The following ZNF148 variants were observed in gnomAD, a reference collection of about 807,000 sequenced individuals.
The protein encoded by ZNF148 is Beta-Enolase Repressor Factor-1.
A neutral mutation model predicts 67.7 loss-of-function variants in ZNF148; 7 were observed. That is an observed-to-expected ratio of 0.10 (90% CI 0.06 to 0.19). The LOEUF (loss-of-function observed/expected upper bound fraction) is 0.19, where lower values mean the gene tolerates loss of function less well. Among genes scored for constraint, ZNF148 ranks in the 10% least tolerant of loss-of-function variants. ZNF148 has a pLI of 1.00. For missense variants in ZNF148, 583 were observed against 947.1 expected, an observed-to-expected ratio of 0.62 and a Z score of 5.05; for synonymous variants, 333 against 330.7, an observed-to-expected ratio of 1.01 and a Z score of -0.08.
intron 1 of ZNF148, among the ~76,000 whole-genome samples, chr3:125,356,681 T>C (rs1282172097): frequency 6.6e-6 from 1 of 152,138 alleles, no homozygotes; most frequent in African/African-American, 2.4e-5. Flanking sequence ...CAAATCACAA[T>C]TATTATATAA....
intron 7 of ZNF148, among the ~76,000 whole-genome samples, chr3:125,269,125 T>C (rs909405332): frequency 1.4e-5 from 2 of 144,682 alleles, no homozygotes; most frequent in Non-Finnish European, 3.0e-5. Flanking sequence ...CCCAGTACTT[T>C]AGGAGACTAA....
intron 7 of ZNF148, among the ~76,000 whole-genome samples, chr3:125,256,589 T>C (rs1012282466): frequency 6.6e-6 from 1 of 152,078 alleles, no homozygotes; most frequent in Admixed American, 6.6e-5. Context: ...GGCAGAAGAA[T>C]CGCTTGAACC....
intron 4 of ZNF148, chr3:125,292,935 A>G (rs1027618479): frequency 6.6e-6 from 1 of 152,218 alleles, no homozygotes; most frequent in Non-Finnish European, 1.5e-5. Context: ...TATGCATTAT[A>G]TCCAGTTATA....
chr3:125,354,720 ATAAC>A (rs1349477297), intron 1 of ZNF148, among the ~76,000 whole-genome samples: 2 of 152,228 alleles, frequency 1.3e-5, no homozygotes, highest in Non-Finnish European at 2.9e-5. Flanking sequence ...CTAAGCTATC[ATAAC>A]TAACTTTAAT....
intron 7 of ZNF148, among the ~76,000 whole-genome samples, chr3:125,252,622 G>A (rs1936889708): frequency 6.6e-6 from 1 of 152,192 alleles, no homozygotes; most frequent in Middle Eastern, 3.4e-3. Flanking sequence ...ACAAAAATTA[G>A]CTGGGGGTGG....
At chr3:125,315,836 C>T (rs1445859134) in intron 3 of ZNF148, among the ~76,000 whole-genome samples, 1 of 152,092 alleles carries the variant, frequency 6.6e-6, no homozygotes, top group Non-Finnish European at 1.5e-5. Flanking sequence ...GTATCCATCC[C>T]CTCAATAATT....
chr3:125,362,476 CA>C (rs1273966276), intron 1 of ZNF148, among the ~76,000 whole-genome samples: 2 of 149,246 alleles, frequency 1.3e-5, no homozygotes, highest in Non-Finnish European at 3.0e-5. Flanking sequence ...TTGAAGACCA[CA>C]AAAAAAAACA....
chr3:125,235,918 G>C (rs192637556), intron 7 of ZNF148, among the ~76,000 whole-genome samples: 1 of 138,462 alleles, frequency 7.2e-6, no homozygotes, highest in Non-Finnish European at 1.5e-5. Flanking sequence ...CCTGGACAGA[G>C]GAAGGGGAAC....
intron 1 of ZNF148, among the ~76,000 whole-genome samples, chr3:125,351,706 T>TA (rs1942159445): frequency 6.6e-6 from 1 of 151,892 alleles, no homozygotes; most frequent in African/African-American, 2.4e-5. Context: ...AACCCAACAA[T>TA]AAAAAGACAA....
chr3:125,231,507 T>C lies in ZNF148; in HGVS notation c.*834A>G, dbSNP rs1935852731. The C allele has an allele frequency of 6.6e-6, 1 of 152,540 alleles. No individual in the cohort carries two copies. Among genetic ancestry groups the C allele is most frequent in the African/African-American group, 2.4e-5 (1 of 41,446 alleles). 9.4% of individuals were successfully genotyped at this position (152,540 alleles called of 1,614,324 possible). On this transcript the variant is annotated 3_prime_UTR_variant, in exon 9 of 9. Transcript: ENST00000360647. ...TACATTTTGTGTAAGCATTATGTTC[T>C]TGGGAATGTAATCTACAGAATTTCT... is the stretch of plus-strand genomic sequence containing the variant.
intron 7 of ZNF148, among the ~76,000 whole-genome samples, chr3:125,247,435 G>A (rs986119200): frequency 1.3e-4 from 19 of 151,990 alleles, no homozygotes; most frequent in African/African-American, 4.3e-4. Flanking sequence ...GCAAATGAGA[G>A]CAGGAAAACT....
intron 4 of ZNF148, among the ~76,000 whole-genome samples, chr3:125,299,833 G>A (rs534021082): frequency 1.3e-5 from 2 of 152,240 alleles, no homozygotes; most frequent in African/African-American, 4.8e-5. Context: ...AGAGCCATGT[G>A]GTATGAGAGT....
At chr3:125,355,696 G>A (rs1445743629) in intron 1 of ZNF148, among the ~76,000 whole-genome samples, 4 of 149,760 alleles carry the variant, frequency 2.7e-5, no homozygotes, top group Admixed American at 2.7e-4. Flanking sequence ...AGACCAGGCT[G>A]CTCAACACAG....
At position 125,230,533 on chromosome 3, in the gene ZNF148, TATC is replaced by T. The variant is rs1935813706; in HGVS notation, c.*1805_*1807del. The T allele has an allele frequency of 6.6e-6, 1 of 152,556 alleles. No homozygotes were observed. The highest frequency in any genetic ancestry group is 2.1e-4 in the South Asian group (1 of 4,836). 9.5% of individuals were successfully genotyped at this position (152,556 alleles called of 1,614,324 possible). The stretch of plus-strand genomic sequence containing the variant: ...CACATTAAATATAATTTATATTCCT[TATC>T]ATAAAAACACCAATATATTCAAAAT... On this transcript the variant is annotated 3_prime_UTR_variant, in exon 9 of 9. Coordinates refer to ENST00000360647, the MANE Select transcript of ZNF148 (RefSeq NM_021964.3).
At chr3:125,355,047 A>G (rs1373609556) in intron 1 of ZNF148, among the ~76,000 whole-genome samples, 5 of 152,218 alleles carry the variant, frequency 3.3e-5, no homozygotes, top group African/African-American at 9.6e-5. Context: ...ACCTTGGGTA[A>G]GTCACCATCT....
chr3:125,269,354 CTAAG>C (rs1455972389), intron 7 of ZNF148, among the ~76,000 whole-genome samples: 1 of 151,286 alleles, frequency 6.6e-6, no homozygotes, highest in Non-Finnish European at 1.5e-5. Context: ...GCACACCAGC[CTAAG>C]TGACATAGCA....
chr3:125,238,328 C>CA (rs1358705212), intron 7 of ZNF148, among the ~76,000 whole-genome samples: 1 of 151,978 alleles, frequency 6.6e-6, no homozygotes, highest in Non-Finnish European at 1.5e-5. Context: ...AGGACACTAT[C>CA]AAAAAAATGA....
intron 1 of ZNF148, among the ~76,000 whole-genome samples, chr3:125,363,721 C>T (rs975125317): frequency 1.3e-5 from 2 of 150,368 alleles, no homozygotes; most frequent in Non-Finnish European, 1.5e-5. Flanking sequence ...TAGATTTCAG[C>T]TCACTGCAAC....
chr3:125,258,806 A>G (rs1937212435), intron 7 of ZNF148, among the ~76,000 whole-genome samples: 1 of 152,164 alleles, frequency 6.6e-6, no homozygotes, highest in Non-Finnish European at 1.5e-5. Flanking sequence ...TACATTACCC[A>G]TTGAATATTT....
Sources: allele counts gnomAD v4.1 joint callset (sites outside exome capture counted in the v4.1 genomes callset), GRCh38; gene constraint gnomAD v4.1.1; transcripts MANE v1.5; gene names NCBI Gene and HGNC (gene_info 2026-07-23, HGNC 2026-07-21).